CCNH: variants seen among roughly 807,000 people sequenced by gnomAD.
The protein encoded by CCNH is cyclin H.
Under a neutral mutation model 41.9 loss-of-function variants are expected in CCNH, and 31 were observed. The ratio of observed to expected loss-of-function variants is 0.74; its 90% confidence interval spans 0.56 to 1.00. The LOEUF is 1.00. CCNH is among the 50% of genes least tolerant of loss of function. CCNH has a pLI of 0.00. For missense variants in CCNH, 362 were observed against 388.4 expected (o/e 0.93, Z 0.57); for synonymous variants, 138 against 136.1 (o/e 1.01, Z -0.10).
chr5:87,405,882 A>C (rs3093802), intron 4 of CCNH, among the ~76,000 whole-genome samples: 4 of 152,046 alleles, frequency 2.6e-5, no homozygotes, highest in Non-Finnish European at 4.4e-5. Flanking sequence ...AACTATACCA[A>C]GATTTCTGAG....
Position 87,363,469 on chromosome 5 carries a change from T to C in CCNH, c.*90+29301A>G, listed in dbSNP as rs758578004. ...AAGGATTAATAGATCTCAGTGTATG[T>C]TCTGTCTATGTCGTTCATGATAGTC... On this transcript the variant is annotated intron_variant and NMD_transcript_variant, in intron 9 of 9. Coordinates refer to the CCNH transcript ENST00000645953. 2.8e-5 allele frequency: 45 copies of C among 1,612,556 alleles called. No homozygotes were observed. Among genetic ancestry groups the C allele is most frequent in the Non-Finnish European group, 3.6e-5 (43 of 1,178,880 alleles).
chr5:87,374,435 C>A, downstream of CCNH: 81 of 534,562 alleles, frequency 1.5e-4, no homozygotes, highest in Non-Finnish European at 2.1e-4. Context: ...TCCAGGTGTT[C>A]TAATAGCATA....
chr5:87,350,580 A>G (rs1242320491), intron 9 of CCNH, among the ~76,000 whole-genome samples: 7 of 151,654 alleles, frequency 4.6e-5, no homozygotes, highest in Admixed American at 4.0e-4. Flanking sequence ...AATTCTTCCT[A>G]CATACTGGAG....
chr5:87,326,263 G>A (rs561411430), intron 9 of CCNH, among the ~76,000 whole-genome samples: 19 of 152,034 alleles, frequency 1.2e-4, no homozygotes, highest in Non-Finnish European at 2.6e-4. Flanking sequence ...GAGCTACTGC[G>A]CCTGGCCACA....
At chr5:87,328,616 G>T (rs1757401485) in intron 9 of CCNH, among the ~76,000 whole-genome samples, 1 of 152,034 alleles carries the variant, frequency 6.6e-6, no homozygotes, top group Non-Finnish European at 1.5e-5. Context: ...GAAATAAAAA[G>T]AATTACAGAC....
intron 9 of CCNH, among the ~76,000 whole-genome samples, chr5:87,353,960 T>G (rs990743236): frequency 2.0e-5 from 3 of 152,108 alleles, no homozygotes; most frequent in African/African-American, 7.2e-5. Context: ...GGATTAATAA[T>G]TTTCCTAAGT....
At chr5:87,340,622 A>G (rs752195562) in intron 9 of CCNH, among the ~76,000 whole-genome samples, 18 of 152,270 alleles carry the variant, frequency 1.2e-4, no homozygotes, top group Non-Finnish European at 2.4e-4. Context: ...AAAGTTCAAA[A>G]CATAGTAAAA....
downstream of CCNH, among the ~76,000 whole-genome samples, chr5:87,371,379 C>A (rs1254857780): frequency 1.3e-5 from 2 of 151,972 alleles, no homozygotes; most frequent in Admixed American, 6.6e-5. Flanking sequence ...AAATAGCCAA[C>A]AAACTAAAGA....
chr5:87,315,291 A>C (rs1238840676), downstream of CCNH, among the ~76,000 whole-genome samples: 5 of 152,230 alleles, frequency 3.3e-5, no homozygotes, highest in Non-Finnish European at 7.3e-5. Flanking sequence ...GGCATCTAGC[A>C]AGGGCCTTCT....
chr5:87,409,419 A>G, intron 2 of CCNH, 56 bp from the exon 3 acceptor site: 1 of 1,035,728 alleles, frequency 9.7e-7, no homozygotes, highest in East Asian at 2.4e-5. Flanking sequence ...TAAATGTTAA[A>G]TTTTGTGAAA....
chr5:87,370,771 T>C (rs1340654781), intron 9 of CCNH, among the ~76,000 whole-genome samples: 2 of 152,198 alleles, frequency 1.3e-5, no homozygotes, highest in South Asian at 4.1e-4. Flanking sequence ...AACTTAAAGG[T>C]GGTTAAGAAG....
intron 9 of CCNH, among the ~76,000 whole-genome samples, chr5:87,330,704 G>A (rs115737216): frequency 0.02 from 2,985 of 152,244 alleles, 42 homozygotes; most frequent in Non-Finnish European, 0.028. Context: ...AGCAAGAAGG[G>A]TGAAGGGACA....
At chr5:87,398,839 G>A (rs1763167802) in intron 7 of CCNH, among the ~76,000 whole-genome samples, 1 of 152,074 alleles carries the variant, frequency 6.6e-6, no homozygotes, top group Non-Finnish European at 1.5e-5. Flanking sequence ...TGGGCGTGGT[G>A]GAGGGCGCCT....
downstream of CCNH, chr5:87,393,512 A>ATGAT (rs1762673618): frequency 6.6e-6 from 1 of 152,246 alleles, no homozygotes; most frequent in South Asian, 2.1e-4. Context: ...ACAGCTGGCC[A>ATGAT]TGATTCATAT....
chr5:87,404,732 C>T (rs2112569095), intron 5 of CCNH, 112 bp downstream of exon 5: 1 of 836,780 alleles, frequency 1.2e-6, no homozygotes, highest in Non-Finnish European at 1.8e-6. Flanking sequence ...ATTTCTTCTT[C>T]TCACCAACCA....
At chr5:87,340,474 T>C (rs1191866059) in intron 9 of CCNH, among the ~76,000 whole-genome samples, 1 of 152,058 alleles carries the variant, frequency 6.6e-6, no homozygotes, top group Non-Finnish European at 1.5e-5. Context: ...GAGTGTTTGA[T>C]TTTAGTTTGA....
At chr5:87,344,126 A>G (rs1017710776) in intron 9 of CCNH, among the ~76,000 whole-genome samples, 3 of 152,170 alleles carry the variant, frequency 2.0e-5, no homozygotes, top group Non-Finnish European at 4.4e-5. Context: ...AAATACATCT[A>G]GATAGAATGA....
chr5:87,398,714 C>A (rs895677004), intron 7 of CCNH, among the ~76,000 whole-genome samples: 1 of 152,088 alleles, frequency 6.6e-6, no homozygotes, highest in African/African-American at 2.4e-5. Flanking sequence ...TAAAGTTTGT[C>A]ACTGAAAGAA....
chr5:87,319,197 C>G (rs904717738), intron 9 of CCNH, among the ~76,000 whole-genome samples: 14 of 152,240 alleles, frequency 9.2e-5, no homozygotes, highest in African/African-American at 3.4e-4. Context: ...CATTGAGTGC[C>G]TGCAACTTTT....
Sources: allele counts gnomAD v4.1 joint callset (sites outside exome capture counted in the v4.1 genomes callset), GRCh38; gene constraint gnomAD v4.1.1; transcripts MANE v1.5; gene names NCBI Gene and HGNC (gene_info 2026-07-23, HGNC 2026-07-21).